ATF6: variants seen among roughly 807,000 people sequenced by gnomAD.
ATF6 encodes activating transcription factor 6.
In ATF6, 53 loss-of-function variants were observed where a neutral mutation model predicts 83.6. The observed-to-expected ratio is 0.63, with a 90% CI of 0.51 to 0.80. ATF6 has a LOEUF of 0.80. ATF6 is among the 30% of genes least tolerant of loss of function. ATF6 has a pLI of 0.00. For synonymous variants in ATF6, 288 were observed against 285.8 expected, an observed-to-expected ratio of 1.01 and a Z score of -0.08; for missense variants, 744 against 797.9, an observed-to-expected ratio of 0.93 and a Z score of 0.81.
rs75704857 is a variant in ATF6, at chr1:161,954,265, C to G, written c.1805-4181C>G. Among the ~76,000 whole-genome samples, 529 of 152,224 alleles carry G rather than the reference C, an allele frequency of 3.5e-3. 5 individuals carry two copies. The highest frequency in any genetic ancestry group is 0.012 in the African/African-American group (516 of 41,538). On this transcript the variant is annotated intron_variant, in intron 15 of 15. Coordinates refer to ENST00000367942, the MANE Select transcript of ATF6 (RefSeq NM_007348.4). ...TTGTGTTCCCGCCTCCCTTGTTTTT[C>G]TGTTTGTTTTTGTTGAAGAGGTCTC...
chr1:161,923,855 A>C (rs1688260577), intron 15 of ATF6, among the ~76,000 whole-genome samples: 1 of 152,226 alleles, frequency 6.6e-6, no homozygotes, highest in Non-Finnish European at 1.5e-5. Flanking sequence ...CAGTGAGATC[A>C]CATTCACTCT....
chr1:161,878,973 A>G (rs142076778), intron 14 of ATF6, among the ~76,000 whole-genome samples: 265 of 152,270 alleles, frequency 1.7e-3, no homozygotes, highest in African/African-American at 6.1e-3. Context: ...TCAATTATAT[A>G]TTTTAAAGGA....
At chr1:161,934,532 A>T (rs1004293925) in intron 15 of ATF6, among the ~76,000 whole-genome samples, 1 of 152,106 alleles carries the variant, frequency 6.6e-6, no homozygotes, top group African/African-American at 2.4e-5. Context: ...AACTCCCTCT[A>T]TGTAAAGTCT....
In ATF6 at chr1:161,851,785, C is replaced by T. The variant is rs775622022; in HGVS notation, c.1383C>T (p.Tyr461=). The T allele has an allele frequency of 1.9e-6, 3 of 1,613,980 alleles. No individual in the cohort carries two copies. The highest frequency in any genetic ancestry group is 3.3e-5 in the Admixed American group (2 of 60,012). The change falls in exon 11 of 16, where the codon TAC becomes TAT. Residue 461 remains tyrosine (Y), a synonymous_variant. Transcript: ENST00000367942. ...TGCTAACTGAAGAACCATTGCTTTA[C>T]ATTCCTCCACCTCCTTGTCAGCCCC... is the stretch of plus-strand genomic sequence containing the variant. ...LMVLTEEPLL[Y]IPPPPCQPLI...
chr1:161,884,919 A>G (rs1687389592), intron 14 of ATF6, among the ~76,000 whole-genome samples: 1 of 152,132 alleles, frequency 6.6e-6, no homozygotes, highest in East Asian at 1.9e-4. Context: ...AGTAATTAGG[A>G]ACTCATCGTA....
At chr1:161,836,731 G>T (rs997049995) in intron 9 of ATF6, among the ~76,000 whole-genome samples, 1 of 152,168 alleles carries the variant, frequency 6.6e-6, no homozygotes, top group African/African-American at 2.4e-5. Context: ...CATGTGAGTT[G>T]TACATAGGGA....
intron 15 of ATF6, among the ~76,000 whole-genome samples, chr1:161,913,876 G>T (rs1688039447): frequency 6.6e-6 from 1 of 152,158 alleles, no homozygotes; most frequent in South Asian, 2.1e-4. Context: ...TTGTTCTTCT[G>T]ATATTGGGTT....
At chr1:161,804,425 C>T (rs1045415502) in intron 7 of ATF6, among the ~76,000 whole-genome samples, 2 of 151,922 alleles carry the variant, frequency 1.3e-5, no homozygotes, top group Admixed American at 6.6e-5. Context: ...GGGAGAGTAT[C>T]TAGAAACCAT....
chr1:161,853,598 T>C (rs536364939), intron 12 of ATF6, among the ~76,000 whole-genome samples: 6 of 152,348 alleles, frequency 3.9e-5, no homozygotes, highest in African/African-American at 1.4e-4. Flanking sequence ...CAGGAGTTCC[T>C]ATGCATGGAT....
chr1:161,878,932 A>G (rs990831330), intron 14 of ATF6, among the ~76,000 whole-genome samples: 14 of 152,158 alleles, frequency 9.2e-5, no homozygotes, highest in African/African-American at 3.1e-4. Context: ...GAGAAAAGGT[A>G]GGGTTTTGTC....
chr1:161,896,235 G>C (rs1486543622), intron 14 of ATF6, among the ~76,000 whole-genome samples: 4 of 152,150 alleles, frequency 2.6e-5, no homozygotes, highest in African/African-American at 9.7e-5. Context: ...AGCCTGCCAA[G>C]TAGCTGGGAC....
In ATF6 at chr1:161,909,271, G is replaced by A. The variant is rs544639318; in HGVS notation, c.1720-3025G>A. On this transcript the variant is annotated intron_variant, in intron 14 of 15. Transcript: ENST00000367942. ...AACAAAGACGGCTACTCCAGCTCTG[G>A]CAGTCATATCTGCCTTCTAGCTAGC... 2.6e-5 allele frequency among the ~76,000 whole-genome samples: 4 copies of A among 152,300 alleles called. No homozygotes were observed. In the South Asian group the frequency reaches 8.3e-4, roughly 32 times the overall value.
At chr1:161,910,829 AC>A (rs1315455670) in intron 14 of ATF6, among the ~76,000 whole-genome samples, 1 of 152,194 alleles carries the variant, frequency 6.6e-6, no homozygotes, top group Non-Finnish European at 1.5e-5. Flanking sequence ...ACTTAAAAAA[AC>A]AAAACAAAAA....
intron 6 of ATF6, among the ~76,000 whole-genome samples, chr1:161,793,460 T>G (rs971781561): frequency 6.6e-6 from 1 of 152,220 alleles, no homozygotes; most frequent in Admixed American, 6.5e-5. Flanking sequence ...TAAATGTGTA[T>G]TAAGGGTTCA....
At chr1:161,846,615 G>T (rs1686493457) in intron 10 of ATF6, 35 bp downstream of exon 10, 1 of 1,553,812 alleles carries the variant, frequency 6.4e-7, no homozygotes, top group Non-Finnish European at 8.7e-7. Flanking sequence ...TGGCCTAAGT[G>T]ATTTAATGAA....
intron 9 of ATF6, among the ~76,000 whole-genome samples, chr1:161,836,856 GC>G (rs1246367556): frequency 1.3e-5 from 2 of 152,158 alleles, no homozygotes; most frequent in East Asian, 3.8e-4. Context: ...TACATCCCTT[GC>G]CAACTTAAGA....
At chr1:161,879,105 T>C (rs1041803905) in intron 14 of ATF6, among the ~76,000 whole-genome samples, 3 of 152,020 alleles carry the variant, frequency 2.0e-5, no homozygotes, top group African/African-American at 7.2e-5. Context: ...GGCAGGACAT[T>C]ATGGTAGAGG....
chr1:161,825,654 T>C (rs1430353324), intron 9 of ATF6, among the ~76,000 whole-genome samples: 1 of 151,820 alleles, frequency 6.6e-6, no homozygotes, highest in Non-Finnish European at 1.5e-5. Flanking sequence ...GTGCAGAGCT[T>C]TCATGCCCTC....
chr1:161,815,050 A>G (rs1210551927), intron 7 of ATF6, among the ~76,000 whole-genome samples: 1 of 152,170 alleles, frequency 6.6e-6, no homozygotes, highest in African/African-American at 2.4e-5. Flanking sequence ...CCAAATGAGA[A>G]TAAGAACTGT....
Sources: allele counts gnomAD v4.1 joint callset (sites outside exome capture counted in the v4.1 genomes callset), GRCh38; gene constraint gnomAD v4.1.1; transcripts MANE v1.5; gene names NCBI Gene and HGNC (gene_info 2026-07-23, HGNC 2026-07-21).